PDSS2: variants seen among roughly 807,000 people sequenced by gnomAD.
The protein encoded by PDSS2 is decaprenyl diphosphate synthase subunit 2.
PDSS2 carries 31 observed loss-of-function variants against 44.5 expected under a neutral mutation model. The ratio of observed to expected loss-of-function variants is 0.70; its 90% CI spans 0.52 to 0.94. PDSS2 has a LOEUF of 0.94. PDSS2 is among the 40% of genes least tolerant of loss of function. The probability of loss-of-function intolerance (pLI) is 0.00; values close to 1 mark genes in which losing one functional copy is unlikely to be tolerated. For missense variants in PDSS2, 452 were observed against 482.2 expected (o/e 0.94, Z 0.59); for synonymous variants, 157 against 180.3 (o/e 0.87, Z 1.03).
At chr6:107,298,854 A>G (rs1182234424) in intron 2 of PDSS2, among the ~76,000 whole-genome samples, 1 of 152,118 alleles carries the variant, frequency 6.6e-6, no homozygotes, top group Non-Finnish European at 1.5e-5. Context: ...AACATATACC[A>G]AATAGGACCA....
intron 1 of PDSS2, among the ~76,000 whole-genome samples, chr6:107,416,719 G>A (rs1780672136): frequency 6.6e-6 from 1 of 152,174 alleles, no homozygotes; most frequent in Non-Finnish European, 1.5e-5. Context: ...CTTTGGTAGA[G>A]TAAGTCACAG....
chr6:107,345,634 A>G (rs1470149083), intron 1 of PDSS2, among the ~76,000 whole-genome samples: 1 of 151,850 alleles, frequency 6.6e-6, no homozygotes, highest in Non-Finnish European at 1.5e-5. Flanking sequence ...AACAGATAAT[A>G]CCTCAAGGGC....
chr6:107,180,373 C>G (rs1314118786), intron 7 of PDSS2, among the ~76,000 whole-genome samples: 1 of 152,172 alleles, frequency 6.6e-6, no homozygotes, highest in African/African-American at 2.4e-5. Context: ...ATCTCTCTGC[C>G]TCAACCCAGG....
chr6:107,187,385 C>T (rs950602369), intron 7 of PDSS2, among the ~76,000 whole-genome samples: 7 of 152,182 alleles, frequency 4.6e-5, no homozygotes, highest in African/African-American at 7.2e-5. Context: ...ACTCTTAAGG[C>T]CCGGTGTGGT....
chr6:107,353,846 T>G (rs1778506254), intron 1 of PDSS2, among the ~76,000 whole-genome samples: 1 of 152,184 alleles, frequency 6.6e-6, no homozygotes, highest in African/African-American at 2.4e-5. Flanking sequence ...ATTTTTCTAT[T>G]CTTTTTCTCA....
chr6:107,226,994 A>G (rs1456101531), intron 4 of PDSS2, among the ~76,000 whole-genome samples: 2 of 139,302 alleles, frequency 1.4e-5, no homozygotes, highest in Non-Finnish European at 3.1e-5. Flanking sequence ...CCTTTTTTTT[A>G]ATTACTTTTT....
chr6:107,282,695 C>G (rs1776004835), intron 2 of PDSS2, among the ~76,000 whole-genome samples: 1 of 151,348 alleles, frequency 6.6e-6, no homozygotes, highest in African/African-American at 2.4e-5. Flanking sequence ...GAAACCCCGA[C>G]TCTACTAAAA....
intron 4 of PDSS2, among the ~76,000 whole-genome samples, chr6:107,235,814 G>A (rs1053205511): frequency 1.3e-5 from 2 of 152,064 alleles, no homozygotes; most frequent in African/African-American, 4.8e-5. Context: ...ATATGGCCAA[G>A]GAGCTAGAAG....
intron 1 of PDSS2, among the ~76,000 whole-genome samples, chr6:107,429,553 A>T (rs1410059561): frequency 6.6e-6 from 1 of 152,062 alleles, no homozygotes; most frequent in Non-Finnish European, 1.5e-5. Flanking sequence ...CAGTAGCAGC[A>T]GTGGGTACAT....
At chr6:107,163,147 T>G (rs1167167219) in intron 7 of PDSS2, among the ~76,000 whole-genome samples, 1 of 152,236 alleles carries the variant, frequency 6.6e-6, no homozygotes, top group Non-Finnish European at 1.5e-5. Flanking sequence ...TTCATTTAGT[T>G]TGTTCCTCTA....
intron 1 of PDSS2, among the ~76,000 whole-genome samples, chr6:107,387,881 G>A (rs953150551): frequency 6.6e-6 from 1 of 152,192 alleles, no homozygotes; most frequent in Non-Finnish European, 1.5e-5. Flanking sequence ...TACTTGTGAT[G>A]TCACTGAAGA....
At chr6:107,263,911 T>TA (rs1171124993) in intron 3 of PDSS2, among the ~76,000 whole-genome samples, 2 of 152,204 alleles carry the variant, frequency 1.3e-5, no homozygotes, top group African/African-American at 4.8e-5. Context: ...ACACCCCACT[T>TA]ACCACCTTCT....
intron 6 of PDSS2, among the ~76,000 whole-genome samples, chr6:107,198,486 T>C (rs1772644575): frequency 6.6e-6 from 1 of 152,202 alleles, no homozygotes; most frequent in Non-Finnish European, 1.5e-5. Flanking sequence ...CTTTAGCTTG[T>C]ACATAAAAGT....
At chr6:107,456,252 T>C (rs1583111246) in intron 1 of PDSS2, among the ~76,000 whole-genome samples, 1 of 151,794 alleles carries the variant, frequency 6.6e-6, no homozygotes, top group Non-Finnish European at 1.5e-5. Context: ...ACCCGGGAGG[T>C]GGAAGCTGCA....
chr6:107,303,975 C>A (rs2115077938), intron 2 of PDSS2, among the ~76,000 whole-genome samples: 1 of 152,314 alleles, frequency 6.6e-6, no homozygotes, highest in South Asian at 2.1e-4. Context: ...TCTGAAATAA[C>A]AAGGACATAA....
intron 1 of PDSS2, among the ~76,000 whole-genome samples, chr6:107,361,052 A>T (rs1367073127): frequency 6.6e-6 from 1 of 152,164 alleles, no homozygotes; most frequent in African/African-American, 2.4e-5. Flanking sequence ...ATATATTATA[A>T]TATTCATGAT....
At chr6:107,192,788 A>T (rs560734525) in intron 7 of PDSS2, among the ~76,000 whole-genome samples, 5 of 122,390 alleles carry the variant, frequency 4.1e-5, no homozygotes, top group Non-Finnish European at 8.5e-5. Flanking sequence ...TGTAATTGTT[A>T]AAAAAAAAAA....
At chr6:107,282,242 A>C (rs576191383) in intron 2 of PDSS2, among the ~76,000 whole-genome samples, 14 of 152,274 alleles carry the variant, frequency 9.2e-5, no homozygotes, top group African/African-American at 2.9e-4. Context: ...CATCACTATC[A>C]TTCTTAGTTT....
chr6:107,247,179 A>G (rs575345184), intron 3 of PDSS2, among the ~76,000 whole-genome samples: 2 of 152,254 alleles, frequency 1.3e-5, no homozygotes, highest in Admixed American at 1.3e-4. Context: ...GGCTGGACAC[A>G]TAATACAGAT....
Sources: allele counts gnomAD v4.1 joint callset (sites outside exome capture counted in the v4.1 genomes callset), GRCh38; gene constraint gnomAD v4.1.1; transcripts MANE v1.5; gene names NCBI Gene and HGNC (gene_info 2026-07-23, HGNC 2026-07-21).